Variants in APBA1 observed in about 807,000 individuals in gnomAD.
The protein encoded by APBA1 is amyloid beta precursor protein binding family A member 1, also known as amyloid-beta A4 precursor protein-binding family A member 1.
APBA1 carries 55 observed loss-of-function variants against 86.6 expected under a neutral mutation model. The observed-to-expected ratio is 0.64, with a 90% CI of 0.51 to 0.80. The LOEUF is 0.80. Ranked by LOEUF, APBA1 falls within the 30% of genes least tolerant of loss-of-function variation. The pLI is 0.00. For synonymous variants in APBA1, 511 were observed against 493.9 expected (o/e 1.03, Z -0.46); for missense variants, 1,090 against 1,183.0 (o/e 0.92, Z 1.15).
intron 1 of APBA1, among the ~76,000 whole-genome samples, chr9:69,640,035 G>A (rs542924283): frequency 3.3e-5 from 5 of 152,006 alleles, no homozygotes; most frequent in Non-Finnish European, 7.4e-5. Flanking sequence ...TAGGGATAAA[G>A]AACATCCTAC....
chr9:69,565,738 C>A lies in APBA1; in HGVS notation c.-69-48459G>T, dbSNP rs895276398. Among the ~76,000 whole-genome samples, 6 of 152,306 alleles carry A rather than the reference C, an allele frequency of 3.9e-5. No individual in the cohort carries two copies. In the East Asian group the frequency reaches 9.6e-4, roughly 24 times the overall value. On this transcript the variant is annotated intron_variant, in intron 1 of 12. Transcript: ENST00000265381. ...ACATCCTCCATGTCATGCAATCCACCACTCCCCTCCATGTCCACAATGTCC... is the reference window on the plus strand; with the variant it reads ...ACATCCTCCATGTCATGCAATCCACAACTCCCCTCCATGTCCACAATGTCC...
intron 1 of APBA1, among the ~76,000 whole-genome samples, chr9:69,595,665 A>G (rs1340149432): frequency 1.3e-5 from 2 of 152,152 alleles, no homozygotes; most frequent in African/African-American, 2.4e-5. Context: ...AAGTTGCTCA[A>G]TCTAGCTATA....
intron 1 of APBA1, among the ~76,000 whole-genome samples, chr9:69,643,269 A>C (rs1427441992): frequency 1.3e-5 from 2 of 152,156 alleles, no homozygotes; most frequent in East Asian, 3.9e-4. Flanking sequence ...TCACCTGCCG[A>C]GTCTCAGTAA....
Position 69,441,123 on chromosome 9 carries a change from A to G in APBA1, c.2182-8T>C, listed in dbSNP as rs200959146. On this transcript the variant is annotated splice_region_variant and splice_polypyrimidine_tract_variant and intron_variant, in intron 10 of 12. Coordinates refer to ENST00000265381, the MANE Select transcript of APBA1 (RefSeq NM_001163.4). ...GGACTGATTCTTTAAGCCCTTAAAC[A>G]TGAATAAAGTACAGTGGGTATGGTG... is the stretch of plus-strand genomic sequence containing the variant. The G allele has an allele frequency of 7.4e-5, 120 of 1,613,414 alleles. No individual in the cohort carries two copies. In the East Asian group the frequency reaches 1.3e-3, roughly 18 times the overall value.
At chr9:69,616,715 G>T (rs1362797158) in intron 1 of APBA1, among the ~76,000 whole-genome samples, 1 of 152,080 alleles carries the variant, frequency 6.6e-6, no homozygotes, top group African/African-American at 2.4e-5. Context: ...CTGACTACTA[G>T]TCACCAATCA....
At chr9:69,457,007 G>A (rs146724099) in intron 7 of APBA1, 46 bp downstream of exon 7, 21 of 1,494,918 alleles carry the variant, frequency 1.4e-5, no homozygotes, top group South Asian at 2.3e-5. Context: ...TCTGAGTTAC[G>A]ATGTCACTAA....
intron 2 of APBA1, among the ~76,000 whole-genome samples, chr9:69,499,909 T>G (rs1835856488): frequency 1.3e-5 from 2 of 152,130 alleles, no homozygotes; most frequent in South Asian, 4.1e-4. Context: ...GTGGCTGGTT[T>G]CTGATTAAGA....
intron 1 of APBA1, among the ~76,000 whole-genome samples, chr9:69,647,364 A>G (rs1823412572): frequency 6.6e-6 from 1 of 152,194 alleles, no homozygotes; most frequent in Non-Finnish European, 1.5e-5. Flanking sequence ...CCTCCTTCAG[A>G]TAAAGTATCT....
chr9:69,447,512 C>A (rs1166029654), intron 10 of APBA1, among the ~76,000 whole-genome samples: 1 of 152,232 alleles, frequency 6.6e-6, no homozygotes, highest in Non-Finnish European at 1.5e-5. Context: ...CCACTGGATG[C>A]TGGCAGCACC....
chr9:69,454,454 A>G (rs1022190343), intron 8 of APBA1, among the ~76,000 whole-genome samples: 3 of 152,204 alleles, frequency 2.0e-5, no homozygotes, highest in African/African-American at 4.8e-5. Context: ...TTTAACTGCA[A>G]TATCTATGAG....
Position 69,441,090 on chromosome 9 carries a change from T to A in APBA1, c.2207A>T (p.Lys736Met). 6 of 1,614,134 alleles carry A rather than the reference T, an allele frequency of 3.7e-6. No individual in the cohort carries two copies. Among genetic ancestry groups the A allele is most frequent in the Non-Finnish European group, 5.1e-6 (6 of 1,180,028 alleles). Residue 736 changes from lysine (K) to methionine (M), a missense_variant, in exon 11 of 13, where the codon AAG becomes ATG. Around this residue, in one of 6 missense-constraint regions of APBA1, gnomAD observed 119 missense variants for 124.8 expected, o/e 0.95. Transcript: ENST00000265381. ...IKGLKNQSRVKLNIVRCPPVT... is the reference protein window; with the variant it reads ...IKGLKNQSRVMLNIVRCPPVT... Reference sequence around the variant, plus strand: ...CGGAGGACATCTCACGATATTCAGCTTGACTCGGGACTGATTCTTTAAGCC... The same window carrying A: ...CGGAGGACATCTCACGATATTCAGCATGACTCGGGACTGATTCTTTAAGCC...
intron 1 of APBA1, 103 bp from the exon 2 acceptor site, chr9:69,517,382 T>C (rs1338171247): frequency 8.5e-7 from 1 of 1,171,526 alleles, no homozygotes. Flanking sequence ...TTCCTTTTAG[T>C]TCTGGGTCAA....
At chr9:69,434,661 C>T (rs1278176437) in intron 11 of APBA1, among the ~76,000 whole-genome samples, 3 of 149,270 alleles carry the variant, frequency 2.0e-5, no homozygotes, top group African/African-American at 7.5e-5. Context: ...GAGCCGAGAT[C>T]GTGCCACTGT....
chr9:69,569,448 AGTGTGTGTGTGTGTGTGTGTGTGTGT>A (rs71507121), intron 1 of APBA1, among the ~76,000 whole-genome samples: 1 of 144,962 alleles, frequency 6.9e-6, no homozygotes, highest in Non-Finnish European at 1.5e-5. Context: ...GTCACGTGTG[AGTGTGTGTGTGTGTGTGTGTGTGTGT>A]GTGTGTGTGT....
intron 3 of APBA1, 98 bp from the exon 4 acceptor site, chr9:69,471,793 G>T: frequency 2.1e-6 from 2 of 930,990 alleles, no homozygotes; most frequent in Non-Finnish European, 3.4e-6. Context: ...TACATAATCA[G>T]TGGCAGTTAC....
At chr9:69,500,707 T>C (rs576059894) in intron 2 of APBA1, among the ~76,000 whole-genome samples, 50 of 152,182 alleles carry the variant, frequency 3.3e-4, no homozygotes, top group African/African-American at 1.2e-3. Context: ...TGACTGAATC[T>C]TATTAACACC....
At chr9:69,504,880 T>C (rs550787504) in intron 2 of APBA1, among the ~76,000 whole-genome samples, 31 of 152,072 alleles carry the variant, frequency 2.0e-4, no homozygotes, top group Non-Finnish European at 4.3e-4. Context: ...GCTTCATGCA[T>C]TGGAGAAGGC....
Position 69,517,002 on chromosome 9 carries a change from T to C in APBA1, c.209A>G (p.Glu70Gly). The change falls in exon 2 of 13, where the codon GAG becomes GGG. Residue 70 changes from glutamate to glycine, a missense_variant. Transcript: ENST00000265381. ...TGAGCGCGCCAGGCATTCCCCGCGCTCCTCTTCCTCCTGGCCGAGCTGGGC... is the reference window on the plus strand; with the variant it reads ...TGAGCGCGCCAGGCATTCCCCGCGCCCCTCTTCCTCCTGGCCGAGCTGGGC... ...LRAQLGQEEE[E>G]RGECLARSAS... 1 of 1,579,182 alleles carries C rather than the reference T, an allele frequency of 6.3e-7. No homozygotes were observed. Among genetic ancestry groups the C allele is most frequent in the African/African-American group, 1.3e-5 (1 of 74,428 alleles).
At chr9:69,597,788 GT>G (rs1368028589) in intron 1 of APBA1, among the ~76,000 whole-genome samples, 2 of 152,178 alleles carry the variant, frequency 1.3e-5, no homozygotes, top group Non-Finnish European at 2.9e-5. Context: ...CGCATTGCTT[GT>G]TTTTCTCAGG....
Sources: gnomAD v4.1 joint callset for allele counts (sites outside exome capture counted in the v4.1 genomes callset) on GRCh38, gnomAD v4.1.1 for gene constraint, gnomAD v4.1.1 regional missense constraint, MANE v1.5 for transcripts, NCBI Gene and HGNC (gene_info 2026-07-23, HGNC 2026-07-21) for gene names.